Variants in MAN1A1 observed in about 807,000 individuals in gnomAD.
MAN1A1 encodes mannosyl-oligosaccharide 1,2-alpha-mannosidase IA.
MAN1A1 carries 29 observed loss-of-function variants against 70.8 expected under a neutral mutation model. The observed-to-expected ratio is 0.41, with a 90% CI of 0.31 to 0.56. The LOEUF is 0.56. MAN1A1 is among the 20% of genes least tolerant of loss of function. The pLI is 0.29. For synonymous variants in MAN1A1, 349 were observed against 330.1 expected (o/e 1.06, Z -0.62); for missense variants, 747 against 841.3 (o/e 0.89, Z 1.39).
At chr6:119,211,905 G>A (rs565755642) in intron 6 of MAN1A1, among the ~76,000 whole-genome samples, 172 of 149,974 alleles carry the variant, frequency 1.1e-3, no homozygotes, top group African/African-American at 4.1e-3. Flanking sequence ...GCAGTGGTGC[G>A]ATCACGGCTC....
At chr6:119,301,766 C>T (rs1023546235) in intron 4 of MAN1A1, among the ~76,000 whole-genome samples, 2 of 152,200 alleles carry the variant, frequency 1.3e-5, no homozygotes, top group African/African-American at 4.8e-5. Context: ...TCAATAAATA[C>T]TAACTTCTTT....
In MAN1A1 at chr6:119,310,981, G is replaced by A. The variant is rs373503838; in HGVS notation, c.604-3989C>T. Among the ~76,000 whole-genome samples, 51 of 152,290 alleles carry A rather than the reference G, an allele frequency of 3.3e-4. No homozygotes were observed. The East Asian group carries it at 3.9e-3, about 12-fold the overall frequency. On this transcript the variant is annotated intron_variant, in intron 2 of 12. Coordinates refer to ENST00000368468, the MANE Select transcript of MAN1A1 (RefSeq NM_005907.4). Reference sequence around the variant, plus strand: ...TTACTGAGGAGTAAGGCGTAAAAGCGGGTCACGGGCGAACGCATATGAGAA... The same window carrying A: ...TTACTGAGGAGTAAGGCGTAAAAGCAGGTCACGGGCGAACGCATATGAGAA...
intron 2 of MAN1A1, among the ~76,000 whole-genome samples, chr6:119,339,501 T>A (rs182293445): frequency 6.6e-6 from 1 of 152,290 alleles, no homozygotes. Flanking sequence ...ATAGTGTGGT[T>A]ATAACCCGGC....
intron 5 of MAN1A1, among the ~76,000 whole-genome samples, chr6:119,260,147 A>G (rs1026543408): frequency 6.6e-6 from 1 of 152,192 alleles, no homozygotes; most frequent in African/African-American, 2.4e-5. Flanking sequence ...TACTAGTCAC[A>G]TACTCTGTCT....
At chr6:119,253,422 C>T (rs959431039) in intron 5 of MAN1A1, among the ~76,000 whole-genome samples, 8 of 152,160 alleles carry the variant, frequency 5.3e-5, no homozygotes, top group East Asian at 3.9e-4. Flanking sequence ...GTTGCAAAAC[C>T]GCTTCAAAAG....
chr6:119,234,052 A>AT (rs966088854), intron 6 of MAN1A1, among the ~76,000 whole-genome samples: 11 of 152,126 alleles, frequency 7.2e-5, no homozygotes, highest in Non-Finnish European at 1.2e-4. Flanking sequence ...ACATTTGCTG[A>AT]TTTTTTTTCT....
At chr6:119,346,555 C>T (rs117619527) in intron 2 of MAN1A1, among the ~76,000 whole-genome samples, 15 of 152,300 alleles carry the variant, frequency 9.8e-5, no homozygotes, top group Non-Finnish European at 2.1e-4. Context: ...ACGTAAATCT[C>T]GTTTACACGG....
chr6:119,290,577 A>C, intron 5 of MAN1A1, 106 bp downstream of exon 5: 2 of 734,706 alleles, frequency 2.7e-6, no homozygotes, highest in South Asian at 3.9e-5. Context: ...GAAATATAAA[A>C]ATTCCATAGA....
chr6:119,196,430 C>G (rs1400211328), intron 8 of MAN1A1, among the ~76,000 whole-genome samples: 1 of 151,802 alleles, frequency 6.6e-6, no homozygotes, highest in East Asian at 1.9e-4. Context: ...GGCTGTTTGT[C>G]AACACAGTCC....
intron 3 of MAN1A1, among the ~76,000 whole-genome samples, chr6:119,305,383 A>G (rs974196326): frequency 8.5e-5 from 13 of 152,178 alleles, no homozygotes; most frequent in Non-Finnish European, 1.9e-4. Flanking sequence ...TTTTCAAAAA[A>G]TGTTGTAATA....
At chr6:119,187,042 C>A (rs1012509) in intron 11 of MAN1A1, among the ~76,000 whole-genome samples, 1 of 151,938 alleles carries the variant, frequency 6.6e-6, no homozygotes, top group Non-Finnish European at 1.5e-5. Flanking sequence ...AAGCAACCCC[C>A]TGAAGAACAC....
At chr6:119,326,028 C>T (rs1201878598) in intron 2 of MAN1A1, among the ~76,000 whole-genome samples, 1 of 152,172 alleles carries the variant, frequency 6.6e-6, no homozygotes, top group African/African-American at 2.4e-5. Context: ...GTTGTTAGGT[C>T]CAGGGTCAGG....
chr6:119,315,452 G>A (rs186015869), intron 2 of MAN1A1, among the ~76,000 whole-genome samples: 51 of 152,228 alleles, frequency 3.4e-4, no homozygotes, highest in African/African-American at 1.2e-3. Flanking sequence ...GAAGTATCTC[G>A]TTCTCCTAAG....
chr6:119,261,136 G>A (rs1582744956), intron 5 of MAN1A1, among the ~76,000 whole-genome samples: 1 of 151,742 alleles, frequency 6.6e-6, no homozygotes, highest in Non-Finnish European at 1.5e-5. Context: ...CTGCCACCAT[G>A]CCCGGCTAAT....
At chr6:119,225,243 A>C (rs928777070) in intron 6 of MAN1A1, among the ~76,000 whole-genome samples, 2 of 152,146 alleles carry the variant, frequency 1.3e-5, no homozygotes, top group African/African-American at 4.8e-5. Flanking sequence ...GGTCAAAGAA[A>C]AGTATAACTG....
chr6:119,229,803 TCA>T (rs1437028759), intron 6 of MAN1A1, among the ~76,000 whole-genome samples: 1 of 152,064 alleles, frequency 6.6e-6, no homozygotes, highest in African/African-American at 2.4e-5. Context: ...CGTTCTGACT[TCA>T]GTTTTTTGGT....
At chr6:119,180,501 G>A (rs1035578551) in intron 11 of MAN1A1, 74 bp from the exon 12 acceptor site, 1 of 807,128 alleles carries the variant, frequency 1.2e-6, no homozygotes, top group Admixed American at 2.3e-5. Flanking sequence ...TTATTAGATT[G>A]TCAAGTTCAG....
At chr6:119,300,062 G>A (rs7743824) in intron 4 of MAN1A1, among the ~76,000 whole-genome samples, 50,494 of 151,982 alleles carry the variant, frequency 0.33, 8,866 homozygotes, top group Non-Finnish European at 0.36. Context: ...CATAAGTCAA[G>A]TGTTACTAAA....
In MAN1A1 at chr6:119,309,521, A is replaced by C. The variant is rs76071976; in HGVS notation, c.604-2529T>G. ...ACTACTAACAAGGACAGAATTGATC[A>C]CCTCTCTTCACAGGCTCCTTAGGTT... On this transcript the variant is annotated intron_variant, in intron 2 of 12. Coordinates refer to ENST00000368468, the MANE Select transcript of MAN1A1 (RefSeq NM_005907.4). Among the ~76,000 whole-genome samples, 894 of 152,250 alleles carry C rather than the reference A, an allele frequency of 5.9e-3. 29 individuals are homozygous for C. In the East Asian group the frequency reaches 0.09, roughly 15 times the overall value.
Sources: allele counts gnomAD v4.1 joint callset (sites outside exome capture counted in the v4.1 genomes callset), GRCh38; gene constraint gnomAD v4.1.1; transcripts MANE v1.5; gene names NCBI Gene and HGNC (gene_info 2026-07-23, HGNC 2026-07-21).